VWA5B1: variants seen among roughly 807,000 people sequenced by gnomAD.
The protein encoded by VWA5B1 is von Willebrand factor A domain-containing protein 5B1.
VWA5B1 carries 115 observed loss-of-function variants against 118.2 expected under a neutral mutation model. The observed-to-expected ratio is 0.97, with a 90% CI of 0.84 to 1.14. VWA5B1 has a LOEUF of 1.14. Among genes scored for constraint, VWA5B1 ranks in the 50% most tolerant of loss-of-function variants. The pLI, the probability that VWA5B1 is intolerant of heterozygous loss-of-function variation, is 0.00. For synonymous variants in VWA5B1, 682 were observed against 658.4 expected (o/e 1.04, Z -0.55); for missense variants, 1,596 against 1,603.8 (o/e 1.00, Z 0.08).
At chr1:20,317,802 G>A in intron 5 of VWA5B1, 127 bp downstream of exon 5, 1 of 1,226,538 alleles carries the variant, frequency 8.2e-7, no homozygotes, top group South Asian at 1.7e-5. Flanking sequence ...AGTACACAAA[G>A]CCTGTGGACC....
chr1:20,294,885 G>A (rs1049374803), intron 1 of VWA5B1, among the ~76,000 whole-genome samples: 2 of 152,234 alleles, frequency 1.3e-5, no homozygotes, highest in African/African-American at 4.8e-5. Flanking sequence ...CACCATGCCT[G>A]GCCTCCCATG....
intron 1 of VWA5B1, among the ~76,000 whole-genome samples, chr1:20,297,011 T>C (rs2088417919): frequency 6.6e-6 from 1 of 152,244 alleles, no homozygotes. Flanking sequence ...ATTCAGCATT[T>C]AATGAGCACC....
chr1:20,304,603 G>A (rs1315522969), intron 1 of VWA5B1, among the ~76,000 whole-genome samples: 1 of 152,124 alleles, frequency 6.6e-6, no homozygotes, highest in Non-Finnish European at 1.5e-5. Context: ...GGTGACAGAG[G>A]GGACCAGAAG....
At chr1:20,333,082 G>C (rs1316446722) in intron 12 of VWA5B1, 131 bp downstream of exon 12, 1 of 1,160,228 alleles carries the variant, frequency 8.6e-7, no homozygotes, top group African/African-American at 1.5e-5. Context: ...TGGGTTTACA[G>C]TTTTCCCAGT....
intron 1 of VWA5B1, among the ~76,000 whole-genome samples, chr1:20,295,913 A>C (rs1436139524): frequency 1.3e-5 from 2 of 152,132 alleles, no homozygotes; most frequent in African/African-American, 4.8e-5. Flanking sequence ...CCCAGGCTGG[A>C]GTGCAATGGT....
intron 18 of VWA5B1, 146 bp downstream of exon 18, chr1:20,348,504 C>A: frequency 2.5e-6 from 2 of 804,582 alleles, no homozygotes; most frequent in Non-Finnish European, 4.1e-6. Flanking sequence ...CAAAGCCAGT[C>A]CTCCCAGGCT....
rs780231031 is a variant in VWA5B1 at position 20,348,344 on chromosome 1, C to T, written c.2864C>T (p.Ser955Leu). 1.5e-5 allele frequency: 24 copies of T among 1,551,502 alleles called. No individual in the cohort carries two copies. The highest frequency in any genetic ancestry group is 6.8e-5 in the African/African-American group (5 of 73,036). Residue 955 changes from serine to leucine, a missense_variant, in exon 18 of 22, where the codon TCG (serine) becomes TTG (leucine). Coordinates refer to ENST00000289815, the MANE Select transcript of VWA5B1 (RefSeq NM_001039500.3). The part of the protein sequence containing the change: ...GRPQTMLGED[S>L]APGNDMEASP... ...CCGCAGACGATGCTTGGAGAAGATTCGGCACCAGGAAATGGTAAATTTCAG... is the reference window on the plus strand; with the variant it reads ...CCGCAGACGATGCTTGGAGAAGATTTGGCACCAGGAAATGGTAAATTTCAG...
intron 1 of VWA5B1, among the ~76,000 whole-genome samples, chr1:20,307,738 T>C (rs1422958890): frequency 6.6e-6 from 1 of 152,092 alleles, no homozygotes; most frequent in Non-Finnish European, 1.5e-5. Context: ...GCTGGATGAA[T>C]TGATAAAAAA....
At chr1:20,326,970 A>G (rs1480893875) in intron 8 of VWA5B1, among the ~76,000 whole-genome samples, 2 of 152,150 alleles carry the variant, frequency 1.3e-5, no homozygotes, top group Non-Finnish European at 2.9e-5. Context: ...GCACATAGTA[A>G]TTGCTTGATA....
chr1:20,316,291 G>A (rs1026957944), intron 4 of VWA5B1, among the ~76,000 whole-genome samples: 4 of 152,162 alleles, frequency 2.6e-5, no homozygotes, highest in Non-Finnish European at 2.9e-5. Context: ...AAGGGAGCAC[G>A]GACAGGGATA....
At chr1:20,312,041 G>C (rs10158637) in intron 2 of VWA5B1, among the ~76,000 whole-genome samples, 2,158 of 152,236 alleles carry the variant, frequency 0.014, 49 homozygotes, top group African/African-American at 0.048. Context: ...CGGAGGTCGG[G>C]GTTTGTGAGG....
At chr1:20,347,655 G>A (rs1320792369) in intron 17 of VWA5B1, among the ~76,000 whole-genome samples, 2 of 151,460 alleles carry the variant, frequency 1.3e-5, no homozygotes, top group East Asian at 3.9e-4. Flanking sequence ...TAGAGATAGG[G>A]CCTCGCTATG....
intron 7 of VWA5B1, among the ~76,000 whole-genome samples, chr1:20,322,822 T>A (rs191692616): frequency 5.9e-5 from 9 of 152,252 alleles, no homozygotes; most frequent in Admixed American, 5.9e-4. Context: ...AGTAATTAAG[T>A]CCACCTGGAA....
intron 7 of VWA5B1, among the ~76,000 whole-genome samples, chr1:20,322,439 T>G (rs1317497846): frequency 6.6e-6 from 1 of 152,178 alleles, no homozygotes; most frequent in African/African-American, 2.4e-5. Context: ...GGTCCTGGCC[T>G]CAGGGCCAGC....
Position 20,337,634 on chromosome 1 carries a change from A to C in VWA5B1, c.1943-12A>C. 1 of 1,547,000 alleles carries C rather than the reference A, an allele frequency of 6.5e-7. No individual in the cohort carries two copies. The highest frequency in any genetic ancestry group is 1.2e-5 in the South Asian group (1 of 83,628). On this transcript the variant is annotated splice_polypyrimidine_tract_variant and intron_variant, in intron 13 of 21. Transcript: ENST00000289815. ...CCCACTCTGATGGTTCCCCATCACTATCCCTGTCCAGATCTGAACCTCTCT... is the reference window on the plus strand; with the variant it reads ...CCCACTCTGATGGTTCCCCATCACTCTCCCTGTCCAGATCTGAACCTCTCT...
chr1:20,319,279 G>T, intron 6 of VWA5B1, 103 bp from the exon 7 acceptor site: 1 of 1,472,002 alleles, frequency 6.8e-7, no homozygotes, highest in Non-Finnish European at 9.1e-7. Context: ...GCTTCCAAAT[G>T]GGAGTCCCAC....
rs184669610 is a variant in VWA5B1 at position 20,344,408 on chromosome 1, C to G, written c.2626+1015C>G. Among the ~76,000 whole-genome samples, 4 of 152,320 alleles carry G rather than the reference C, an allele frequency of 2.6e-5. No homozygotes were observed. In the South Asian group the frequency reaches 6.2e-4, roughly 24 times the overall value. On this transcript the variant is annotated intron_variant, in intron 16 of 21. Coordinates refer to ENST00000289815, the MANE Select transcript of VWA5B1 (RefSeq NM_001039500.3). ...CTGGGGGCCAGGCTCCCACTGGGCC[C>G]GGTAAACCAGCTGAACAGCCCAGTG...
At chr1:20,299,212 A>G (rs1257184435) in intron 1 of VWA5B1, among the ~76,000 whole-genome samples, 1 of 152,076 alleles carries the variant, frequency 6.6e-6, no homozygotes, top group Non-Finnish European at 1.5e-5. Context: ...GAAACTCGGT[A>G]TCCTAAATGC....
chr1:20,310,481 G>T lies in VWA5B1; in HGVS notation c.-26-95G>T, dbSNP rs533160584. 1.0e-5 allele frequency: 12 copies of T among 1,203,498 alleles called. No homozygotes were observed. The African/African-American group carries it at 1.9e-4, about 19-fold the overall frequency. The allele number at this position is 1,203,498 out of a possible 1,614,324, so 74.6% of individuals were successfully genotyped here. ...TCTTGGGGAAAATGAAAACAATGAT[G>T]CTCTGATTGCTTGAGGGTGTCTGAA... is the stretch of plus-strand genomic sequence containing the variant. On this transcript the variant is annotated intron_variant, in intron 1 of 21. Coordinates refer to ENST00000289815, the MANE Select transcript of VWA5B1 (RefSeq NM_001039500.3).
Sources: allele counts gnomAD v4.1 joint callset (sites outside exome capture counted in the v4.1 genomes callset), GRCh38; gene constraint gnomAD v4.1.1; transcripts MANE v1.5; gene names NCBI Gene and HGNC (gene_info 2026-07-23, HGNC 2026-07-21).